Variants in MAML2 observed in about 807,000 individuals in gnomAD.
MAML2 encodes the protein mastermind like transcriptional coactivator 2, also known as mastermind-like protein 2.
A neutral mutation model predicts 96.1 loss-of-function variants in MAML2; 22 were observed. The observed-to-expected ratio is 0.23, with a 90% CI of 0.16 to 0.33. The LOEUF is 0.33. MAML2 is among the 10% of genes least tolerant of loss of function. The pLI, the probability that MAML2 is intolerant of heterozygous loss-of-function variation, is 1.00. For missense variants in MAML2, 1,367 were observed against 1,392.4 expected, an observed-to-expected ratio of 0.98 and a Z score of 0.29; for synonymous variants, 561 against 521.3, an observed-to-expected ratio of 1.08 and a Z score of -1.04.
At chr11:96,220,853 C>G (rs1862126061) in intron 1 of MAML2, among the ~76,000 whole-genome samples, 1 of 152,018 alleles carries the variant, frequency 6.6e-6, no homozygotes, top group Admixed American at 6.6e-5. Flanking sequence ...AAAGCATCAT[C>G]AAACTGAAAG....
intron 1 of MAML2, among the ~76,000 whole-genome samples, chr11:96,299,060 A>AAAAAT (rs55878534): frequency 5.9e-4 from 33 of 56,332 alleles, no homozygotes; most frequent in African/African-American, 3.0e-3. Context: ...AAAAAAAAAA[A>AAAAAT]ATATATATAT....
intron 2 of MAML2, among the ~76,000 whole-genome samples, chr11:96,001,805 C>A (rs963858781): frequency 7.9e-5 from 12 of 152,200 alleles, no homozygotes; most frequent in Admixed American, 6.5e-4. Flanking sequence ...CTTCCATGAT[C>A]TGGGCTCTGC....
At chr11:96,286,792 A>T (rs899986411) in intron 1 of MAML2, among the ~76,000 whole-genome samples, 13 of 152,192 alleles carry the variant, frequency 8.5e-5, no homozygotes, top group African/African-American at 2.4e-4. Context: ...TTTTTTCCAT[A>T]TAAGCTTCCT....
intron 1 of MAML2, among the ~76,000 whole-genome samples, chr11:96,123,333 C>T: frequency 6.6e-6 from 1 of 151,562 alleles, no homozygotes; most frequent in African/African-American, 2.4e-5. Flanking sequence ...CTGCCTGCTT[C>T]TACAGGTGAC....
At position 96,091,898 on chromosome 11, in the gene MAML2, C is replaced by G; in HGVS notation, c.2133G>C (p.Gln711His). 2 of 1,612,974 alleles carry G rather than the reference C, an allele frequency of 1.2e-6. No individual in the cohort carries two copies. The highest frequency in any genetic ancestry group is 1.3e-5 in the African/African-American group (1 of 75,038). The change falls in exon 2 of 5, where the codon CAG becomes CAC. Residue 711 changes from glutamine (Q) to histidine (H), a missense_variant. Transcript: ENST00000524717. ...AGMGYQVSQQQRQDQHSVVGQ... is the reference protein window; with the variant it reads ...AGMGYQVSQQHRQDQHSVVGQ... ...GGAGTAGTAGAGCCCTTACCTGTCT[C>G]TGTTGTTGGGAGACTTGGTATCCCA...
At chr11:96,047,827 G>C (rs534273226) in intron 2 of MAML2, among the ~76,000 whole-genome samples, 2 of 141,580 alleles carry the variant, frequency 1.4e-5, no homozygotes, top group Non-Finnish European at 3.0e-5. Context: ...CAGGAGAATC[G>C]TTTGAACCCA....
At chr11:96,209,170 A>G (rs1861932915) in intron 1 of MAML2, among the ~76,000 whole-genome samples, 1 of 136,918 alleles carries the variant, frequency 7.3e-6, no homozygotes, top group African/African-American at 2.8e-5. Flanking sequence ...AGGGATATTT[A>G]CTTGTTCACA....
intron 1 of MAML2, among the ~76,000 whole-genome samples, chr11:96,182,874 T>C (rs1042570388): frequency 1.3e-5 from 2 of 152,202 alleles, no homozygotes; most frequent in Non-Finnish European, 2.9e-5. Context: ...GAGTTTTTTT[T>C]TGTTGTCGCT....
chr11:96,215,608 A>G (rs1862037267), intron 1 of MAML2, among the ~76,000 whole-genome samples: 1 of 152,016 alleles, frequency 6.6e-6, no homozygotes, highest in African/African-American at 2.4e-5. Flanking sequence ...GTAGAGACAG[A>G]CCGACCTCAT....
intron 1 of MAML2, among the ~76,000 whole-genome samples, chr11:96,320,546 T>C (rs1019579789): frequency 3.3e-5 from 5 of 152,062 alleles, no homozygotes; most frequent in African/African-American, 1.2e-4. Flanking sequence ...CACTTGGGGG[T>C]TGATTGTATT....
chr11:96,094,649 T>C (rs547042286), intron 1 of MAML2, among the ~76,000 whole-genome samples: 2 of 152,260 alleles, frequency 1.3e-5, no homozygotes, highest in East Asian at 1.9e-4. Context: ...AGCACACTAA[T>C]ACATTAAAAA....
chr11:96,209,433 T>G (rs1325195763), intron 1 of MAML2, among the ~76,000 whole-genome samples: 2 of 151,648 alleles, frequency 1.3e-5, no homozygotes, highest in African/African-American at 2.4e-5. Flanking sequence ...AGGTCAGGAG[T>G]TCGAGACCAG....
intron 2 of MAML2, among the ~76,000 whole-genome samples, chr11:96,079,367 AAAC>A (rs1369795630): frequency 6.6e-6 from 1 of 152,214 alleles, no homozygotes; most frequent in African/African-American, 2.4e-5. Context: ...ACATTGGATT[AAAC>A]ACATGATTGA....
At chr11:96,303,595 C>T (rs970080092) in intron 1 of MAML2, among the ~76,000 whole-genome samples, 1 of 152,122 alleles carries the variant, frequency 6.6e-6, no homozygotes, top group East Asian at 1.9e-4. Flanking sequence ...GTCTATTTTC[C>T]TTTCCTCCTT....
intron 1 of MAML2, among the ~76,000 whole-genome samples, chr11:96,272,765 T>G (rs1301402654): frequency 6.6e-6 from 1 of 152,184 alleles, no homozygotes; most frequent in Non-Finnish European, 1.5e-5. Flanking sequence ...TTAACATTAC[T>G]CTGACCCTTT....
chr11:96,271,882 T>C (rs1862920444), intron 1 of MAML2, among the ~76,000 whole-genome samples: 1 of 152,242 alleles, frequency 6.6e-6, no homozygotes, highest in Non-Finnish European at 1.5e-5. Context: ...TTCTTTGATA[T>C]CAATTCCCAT....
intron 1 of MAML2, among the ~76,000 whole-genome samples, chr11:96,205,940 A>G (rs1370445149): frequency 6.6e-6 from 1 of 152,218 alleles, no homozygotes; most frequent in East Asian, 1.9e-4. Context: ...TTGTCCATGC[A>G]AATTTTTACA....
chr11:96,119,906 C>T (rs534049796), intron 1 of MAML2, among the ~76,000 whole-genome samples: 1 of 152,034 alleles, frequency 6.6e-6, no homozygotes, highest in Non-Finnish European at 1.5e-5. Context: ...CCATTAAGTC[C>T]CTAATGCCTA....
intron 1 of MAML2, among the ~76,000 whole-genome samples, chr11:96,267,343 T>C (rs923535191): frequency 1.3e-5 from 2 of 152,172 alleles, no homozygotes; most frequent in Non-Finnish European, 2.9e-5. Context: ...AAATACATGA[T>C]TATAGATGCT....
Sources: gnomAD v4.1 joint callset for allele counts (sites outside exome capture counted in the v4.1 genomes callset) on GRCh38, gnomAD v4.1.1 for gene constraint, MANE v1.5 for transcripts, NCBI Gene and HGNC (gene_info 2026-07-23, HGNC 2026-07-21) for gene names.